Variants in ROBO1 observed in about 807,000 individuals in gnomAD.
ROBO1 encodes the protein roundabout homolog 1.
Under a neutral mutation model 195.9 loss-of-function variants are expected in ROBO1, and 149 were observed. That is an observed-to-expected ratio of 0.76 (90% CI 0.67 to 0.87). The LOEUF is 0.87. Among genes scored for constraint, ROBO1 ranks in the 40% least tolerant of loss-of-function variants. The probability of loss-of-function intolerance (pLI) is 0.00; values close to 1 mark genes in which losing one functional copy is unlikely to be tolerated. For synonymous variants in ROBO1, 816 were observed against 733.2 expected (o/e 1.11, Z -1.82); for missense variants, 1,933 against 2,068.3 (o/e 0.93, Z 1.27).
At chr3:79,343,882 A>C (rs1337399122) in intron 2 of ROBO1, among the ~76,000 whole-genome samples, 1 of 152,186 alleles carries the variant, frequency 6.6e-6, no homozygotes. Flanking sequence ...CTTGGGTTCC[A>C]TGTCATAAGA....
At chr3:79,400,165 A>T (rs965227861) in intron 2 of ROBO1, among the ~76,000 whole-genome samples, 4 of 152,142 alleles carry the variant, frequency 2.6e-5, no homozygotes, top group African/African-American at 9.7e-5. Context: ...AATCAGCTAA[A>T]ATAAATTCAA....
chr3:78,778,352 A>G (rs548660019), intron 4 of ROBO1, among the ~76,000 whole-genome samples: 3 of 152,276 alleles, frequency 2.0e-5, no homozygotes, highest in South Asian at 2.1e-4. Flanking sequence ...GCCTCATAAA[A>G]TGAGTTAGGG....
chr3:78,720,958 G>C lies in ROBO1; in HGVS notation c.658-3075C>G, dbSNP rs560273535. Among the ~76,000 whole-genome samples the C allele has an allele frequency of 2.6e-5, 4 of 151,164 alleles. 1 individual carries two copies. The highest frequency in any genetic ancestry group is 6.8e-3 in the Middle Eastern group (2 of 294). On this transcript the variant is annotated intron_variant, in intron 5 of 30. Coordinates refer to ENST00000464233, the MANE Select transcript of ROBO1 (RefSeq NM_002941.4). ...GGGACCTGTTGTGGGGTTGGGGGGG[G>C]GGCGGTGGAGGCATAGCATTAGGAG...
intron 2 of ROBO1, among the ~76,000 whole-genome samples, chr3:79,476,917 A>T (rs1475771135): frequency 6.6e-6 from 1 of 152,078 alleles, no homozygotes; most frequent in Non-Finnish European, 1.5e-5. Flanking sequence ...ATGTAAATTT[A>T]AAAATAATAA....
intron 1 of ROBO1, among the ~76,000 whole-genome samples, chr3:79,673,878 T>G (rs1216488332): frequency 6.6e-6 from 1 of 151,996 alleles, no homozygotes; most frequent in African/African-American, 2.4e-5. Flanking sequence ...TGGATTACCA[T>G]AAGCTCAGAT....
chr3:79,187,046 C>T (rs1049062153), intron 2 of ROBO1, among the ~76,000 whole-genome samples: 3 of 152,068 alleles, frequency 2.0e-5, no homozygotes, highest in African/African-American at 7.2e-5. Context: ...TTCACATCAG[C>T]ATTCTGCTAG....
intron 3 of ROBO1, among the ~76,000 whole-genome samples, chr3:79,103,334 G>A (rs2079713574): frequency 6.6e-6 from 1 of 151,714 alleles, no homozygotes; most frequent in Non-Finnish European, 1.5e-5. Context: ...ACAGAACTAA[G>A]ACACCGGTTT....
intron 2 of ROBO1, among the ~76,000 whole-genome samples, chr3:79,246,895 A>C (rs1268612006): frequency 6.6e-6 from 1 of 152,026 alleles, no homozygotes; most frequent in African/African-American, 2.4e-5. Context: ...ACTGAGTGCC[A>C]AACACCATGG....
At chr3:78,818,334 G>C (rs1195174136) in intron 4 of ROBO1, among the ~76,000 whole-genome samples, 1 of 152,134 alleles carries the variant, frequency 6.6e-6, no homozygotes, top group African/African-American at 2.4e-5. Context: ...GGCTGACCCA[G>C]GTTCCTAAAG....
intron 2 of ROBO1, among the ~76,000 whole-genome samples, chr3:79,126,478 T>A (rs993604132): frequency 1.2e-4 from 19 of 152,128 alleles, no homozygotes; most frequent in Non-Finnish European, 2.5e-4. Flanking sequence ...ATTTCCCTGG[T>A]GCACACTCTA....
intron 4 of ROBO1, among the ~76,000 whole-genome samples, chr3:78,816,436 A>G (rs748076837): frequency 6.6e-5 from 10 of 152,174 alleles, no homozygotes; most frequent in Non-Finnish European, 1.3e-4. Flanking sequence ...CACCCATTCT[A>G]TAATCCTTGG....
At chr3:78,967,517 C>G (rs951951963) in intron 3 of ROBO1, among the ~76,000 whole-genome samples, 1 of 152,088 alleles carries the variant, frequency 6.6e-6, no homozygotes, top group Non-Finnish European at 1.5e-5. Context: ...GAGAAAGAAA[C>G]TGGGCACTGA....
At chr3:78,764,361 T>G (rs2108384629) in intron 4 of ROBO1, among the ~76,000 whole-genome samples, 1 of 152,294 alleles carries the variant, frequency 6.6e-6, no homozygotes, top group African/African-American at 2.4e-5. Flanking sequence ...AAAGCCCATT[T>G]ATTCCCAATT....
chr3:79,139,828 C>CT (rs1261715201), intron 2 of ROBO1, among the ~76,000 whole-genome samples: 1 of 152,130 alleles, frequency 6.6e-6, no homozygotes, highest in Non-Finnish European at 1.5e-5. Flanking sequence ...TTAGCATCTG[C>CT]TACTGTTCCA....
At chr3:79,095,263 A>C (rs1251424797) in intron 3 of ROBO1, among the ~76,000 whole-genome samples, 1 of 152,058 alleles carries the variant, frequency 6.6e-6, no homozygotes, top group African/African-American at 2.4e-5. Flanking sequence ...TGAAGTAGTG[A>C]CATATTTCTT....
At chr3:79,023,694 G>A (rs2078145498) in intron 3 of ROBO1, among the ~76,000 whole-genome samples, 1 of 97,358 alleles carries the variant, frequency 1.0e-5, no homozygotes, top group Non-Finnish European at 2.0e-5. Context: ...TTTTGAGACA[G>A]AGTTTTTTTT....
chr3:78,877,971 C>G lies in ROBO1; in HGVS notation c.499+60630G>C, dbSNP rs184013497. ...GGACTATAGCATATATTTGTGCAGG[C>G]ATCTGGCTTCCGACAGCCTCTTGAA... is the stretch of plus-strand genomic sequence containing the variant. On this transcript the variant is annotated intron_variant, in intron 4 of 30. Transcript: ENST00000464233. 9.0e-4 allele frequency among the ~76,000 whole-genome samples: 137 copies of G among 152,274 alleles called. 1 individual carries two copies. The highest frequency in any genetic ancestry group is 1.8e-3 in the Non-Finnish European group (123 of 68,014).
At chr3:78,966,558 C>T (rs2076649479) in intron 3 of ROBO1, among the ~76,000 whole-genome samples, 1 of 152,158 alleles carries the variant, frequency 6.6e-6, no homozygotes, top group African/African-American at 2.4e-5. Flanking sequence ...AGTTTGAGAA[C>T]ACCTGATTTC....
chr3:79,665,587 C>A (rs9880507), intron 1 of ROBO1, among the ~76,000 whole-genome samples: 1 of 151,204 alleles, frequency 6.6e-6, no homozygotes, highest in Admixed American at 6.6e-5. Flanking sequence ...TCAAAAAAAA[C>A]ATTTGAGTCT....
Sources: gnomAD v4.1 joint callset for allele counts (sites outside exome capture counted in the v4.1 genomes callset) on GRCh38, gnomAD v4.1.1 for gene constraint, MANE v1.5 for transcripts, NCBI Gene and HGNC (gene_info 2026-07-23, HGNC 2026-07-21) for gene names.